DPT: variants seen among roughly 807,000 people sequenced by gnomAD.
DPT encodes the protein dermatopontin.
Under a neutral mutation model 31.2 loss-of-function variants are expected in DPT, and 21 were observed. That is an observed-to-expected ratio of 0.67 (90% CI 0.48 to 0.97). The LOEUF (loss-of-function observed/expected upper bound fraction) is 0.97. Ranked by LOEUF, DPT falls within the 50% of genes least tolerant of loss-of-function variation. The pLI is 0.00. For synonymous variants in DPT, 91 were observed against 86.9 expected, an observed-to-expected ratio of 1.05 and a Z score of -0.26; for missense variants, 262 against 258.8, an observed-to-expected ratio of 1.01 and a Z score of -0.08.
intron 2 of DPT, among the ~76,000 whole-genome samples, chr1:168,713,953 A>G (rs1649922085): frequency 6.6e-6 from 1 of 152,126 alleles, no homozygotes; most frequent in Admixed American, 6.5e-5. Flanking sequence ...GCATTCCCAC[A>G]GAGTAGGTGG....
At chr1:168,716,322 T>C (rs1342716838) in intron 1 of DPT, among the ~76,000 whole-genome samples, 1 of 152,150 alleles carries the variant, frequency 6.6e-6, no homozygotes, top group African/African-American at 2.4e-5. Context: ...TGAGAAGAAT[T>C]GAGAGATGGG....
chr1:168,726,808 A>T (rs527238267), intron 1 of DPT, among the ~76,000 whole-genome samples: 14 of 152,352 alleles, frequency 9.2e-5, no homozygotes, highest in South Asian at 6.2e-4. Flanking sequence ...GGAGACAACA[A>T]TCAAGGTGAG....
intron 1 of DPT, among the ~76,000 whole-genome samples, chr1:168,723,828 T>G (rs1374024068): frequency 6.6e-6 from 1 of 152,204 alleles, no homozygotes; most frequent in Non-Finnish European, 1.5e-5. Flanking sequence ...CTTATATTTA[T>G]TTTTTTAAAT....
intron 2 of DPT, among the ~76,000 whole-genome samples, chr1:168,703,457 T>C (rs750262892): frequency 3.3e-5 from 5 of 152,228 alleles, no homozygotes; most frequent in Non-Finnish European, 7.3e-5. Context: ...GCTTCATTTT[T>C]GGTAGTGACC....
chr1:168,705,852 A>T (rs1251086045), intron 2 of DPT, among the ~76,000 whole-genome samples: 1 of 152,134 alleles, frequency 6.6e-6, no homozygotes, highest in Non-Finnish European at 1.5e-5. Context: ...TGTTGTTCTC[A>T]TACTAGTGAA....
At chr1:168,724,001 C>CTTGGTA (rs1392859288) in intron 1 of DPT, among the ~76,000 whole-genome samples, 37 of 152,298 alleles carry the variant, frequency 2.4e-4, no homozygotes, top group African/African-American at 8.9e-4. Flanking sequence ...TAACACCAAA[C>CTTGGTA]TGATTTCATC....
chr1:168,726,336 A>C (rs1650240783), intron 1 of DPT, among the ~76,000 whole-genome samples: 1 of 152,244 alleles, frequency 6.6e-6, no homozygotes, highest in Non-Finnish European at 1.5e-5. Flanking sequence ...TTGGGAGTTC[A>C]TGACAAACCA....
intron 2 of DPT, among the ~76,000 whole-genome samples, chr1:168,702,890 G>C (rs530265676): frequency 2.6e-5 from 4 of 152,172 alleles, no homozygotes; most frequent in Non-Finnish European, 5.9e-5. Flanking sequence ...GGGATTACAT[G>C]TATGAGCCAC....
chr1:168,727,960 C>G (rs1230877410), intron 1 of DPT, among the ~76,000 whole-genome samples: 1 of 152,102 alleles, frequency 6.6e-6, no homozygotes, highest in African/African-American at 2.4e-5. Context: ...CCCTGGACTG[C>G]CTCCTCCGTT....
intron 1 of DPT, among the ~76,000 whole-genome samples, chr1:168,727,423 C>G (rs1280195825): frequency 6.6e-6 from 1 of 152,272 alleles, no homozygotes; most frequent in African/African-American, 2.4e-5. Flanking sequence ...ACTTAAAGGC[C>G]CGCTCTCTTT....
intron 2 of DPT, among the ~76,000 whole-genome samples, chr1:168,703,713 G>T (rs597584): frequency 0.61 from 93,344 of 152,034 alleles, 29,843 homozygotes; most frequent in African/African-American, 0.8. Context: ...TAAAGGAGGA[G>T]AGGGAAGGAG....
intron 1 of DPT, among the ~76,000 whole-genome samples, chr1:168,728,532 A>G (rs368087024): frequency 1.3e-5 from 2 of 152,236 alleles, no homozygotes; most frequent in South Asian, 4.1e-4. Flanking sequence ...TATTACTTTC[A>G]GTTTCTGTAC....
intron 1 of DPT, among the ~76,000 whole-genome samples, chr1:168,722,282 A>G (rs1049209142): frequency 2.6e-5 from 4 of 152,162 alleles, no homozygotes; most frequent in African/African-American, 9.7e-5. Context: ...GACACTTATA[A>G]TGTACACATA....
chr1:168,696,424 C>T lies in DPT; in HGVS notation c.*125G>A, dbSNP rs1649467018. On this transcript the variant is annotated 3_prime_UTR_variant, in exon 4 of 4. Transcript: ENST00000367817. ...CCCAGGAAGTTGGCATTGCAGTTAC[C>T]AGCTCAGGGAGAAGGAAAGAGAGCA... 1 of 752,962 alleles carries T rather than the reference C, an allele frequency of 1.3e-6. No individual in the cohort carries two copies. Among genetic ancestry groups the T allele is most frequent in the African/African-American group, 1.8e-5 (1 of 55,934 alleles). The allele number at this position is 752,962 out of a possible 1,614,324, so 46.6% of individuals were successfully genotyped here.
intron 2 of DPT, among the ~76,000 whole-genome samples, chr1:168,711,727 C>T (rs539537421): frequency 2.4e-4 from 37 of 152,208 alleles, no homozygotes; most frequent in Non-Finnish European, 5.9e-5. Context: ...TGGGTCTCTC[C>T]TGCATCTGGG....
At chr1:168,721,689 A>G (rs1456228788) in intron 1 of DPT, among the ~76,000 whole-genome samples, 2 of 152,204 alleles carry the variant, frequency 1.3e-5, no homozygotes, top group African/African-American at 2.4e-5. Context: ...TGACATGTTG[A>G]TATCACCATT....
At chr1:168,722,360 T>G (rs1374767370) in intron 1 of DPT, among the ~76,000 whole-genome samples, 1 of 152,230 alleles carries the variant, frequency 6.6e-6, no homozygotes, top group Non-Finnish European at 1.5e-5. Context: ...GGCTCTGTAA[T>G]CTAGCAATTT....
chr1:168,708,641 A>C (rs1423051627), intron 2 of DPT, among the ~76,000 whole-genome samples: 1 of 152,208 alleles, frequency 6.6e-6, no homozygotes, highest in African/African-American at 2.4e-5. Flanking sequence ...ATATGTATAC[A>C]TGCGCCAGGT....
intron 1 of DPT, among the ~76,000 whole-genome samples, chr1:168,719,298 C>T (rs547476561): frequency 1.3e-5 from 2 of 152,242 alleles, no homozygotes; most frequent in African/African-American, 4.8e-5. Flanking sequence ...CATTCCTCTC[C>T]TCCATTCCTC....
Sources: gnomAD v4.1 joint callset for allele counts (sites outside exome capture counted in the v4.1 genomes callset) on GRCh38, gnomAD v4.1.1 for gene constraint, MANE v1.5 for transcripts, NCBI Gene and HGNC (gene_info 2026-07-23, HGNC 2026-07-21) for gene names.